KCNIP4: variants seen among roughly 807,000 people sequenced by gnomAD.
The protein encoded by KCNIP4 is potassium voltage-gated channel interacting protein 4.
Under a neutral mutation model 34.0 loss-of-function variants are expected in KCNIP4, and 12 were observed. The observed-to-expected ratio is 0.35, with a 90% CI of 0.23 to 0.57. The LOEUF (loss-of-function observed/expected upper bound fraction) is 0.57, where lower values mean the gene tolerates loss of function less well. KCNIP4 is among the 20% of genes least tolerant of loss of function. The pLI, the probability that KCNIP4 is intolerant of heterozygous loss-of-function variation, is 0.83. For synonymous variants in KCNIP4, 124 were observed against 102.2 expected (o/e 1.21, Z -1.29); for missense variants, 238 against 311.7 (o/e 0.76, Z 1.78).
In KCNIP4 at chr4:21,326,559, GTTTT is replaced by G. The variant is rs376393876; in HGVS notation, c.62-443854_62-443851del. On this transcript the variant is annotated intron_variant, in intron 1 of 8. Transcript: ENST00000382152. ...TGTAGACAACAGATCATTGGGTCTT[GTTTT>G]TTTGTTTATTTTATTTTTTTTAATT... Among the ~76,000 whole-genome samples the G allele has an allele frequency of 1.5e-4, 23 of 149,228 alleles. No homozygotes were observed. The South Asian group carries it at 4.9e-3, about 31-fold the overall frequency.
chr4:21,861,927 T>C (rs528847713), intron 1 of KCNIP4, among the ~76,000 whole-genome samples: 7 of 152,276 alleles, frequency 4.6e-5, no homozygotes, highest in Admixed American at 3.9e-4. Flanking sequence ...CTGGCCCCTA[T>C]GCTATGTCTT....
In KCNIP4 at chr4:20,910,106, C is replaced by G. The variant is rs191306458; in HGVS notation, c.62-27397G>C. ...TTTCTTAATACCACTGGGATCCAGA[C>G]CTGATGCGTATCTTTTTCGAATGTT... On this transcript the variant is annotated intron_variant, in intron 1 of 8. Transcript: ENST00000382152. Among the ~76,000 whole-genome samples, 214 of 152,228 alleles carry G rather than the reference C, an allele frequency of 1.4e-3. 1 individual carries two copies. Among genetic ancestry groups the G allele is most frequent in the Non-Finnish European group, 1.5e-3 (105 of 68,010 alleles).
intron 1 of KCNIP4, among the ~76,000 whole-genome samples, chr4:21,253,131 C>T (rs1048450012): frequency 3.3e-5 from 5 of 152,142 alleles, no homozygotes; most frequent in South Asian, 2.1e-4. Flanking sequence ...ATAGGTCTGA[C>T]GCTGAATGTG....
chr4:21,229,739 G>A (rs1758660946), intron 1 of KCNIP4, among the ~76,000 whole-genome samples: 1 of 152,086 alleles, frequency 6.6e-6, no homozygotes, highest in South Asian at 2.1e-4. Flanking sequence ...GTAAAAAGAT[G>A]AGCAAGCCCA....
chr4:20,979,938 T>C (rs1472287834), intron 1 of KCNIP4, among the ~76,000 whole-genome samples: 1 of 152,206 alleles, frequency 6.6e-6, no homozygotes, highest in South Asian at 2.1e-4. Context: ...TCCTAATCCA[T>C]GCAAGCCACC....
intron 1 of KCNIP4, among the ~76,000 whole-genome samples, chr4:21,748,177 T>A (rs1218471412): frequency 6.6e-6 from 1 of 152,094 alleles, no homozygotes; most frequent in East Asian, 1.9e-4. Flanking sequence ...ATGAAGACAA[T>A]GATGCCACAT....
chr4:21,386,802 T>C (rs1428745411), intron 1 of KCNIP4, among the ~76,000 whole-genome samples: 1 of 152,142 alleles, frequency 6.6e-6, no homozygotes, highest in East Asian at 1.9e-4. Flanking sequence ...AGCTTATCTT[T>C]TTGCAGGTAT....
At chr4:21,878,938 C>T (rs1280474685) in intron 1 of KCNIP4, among the ~76,000 whole-genome samples, 1 of 152,138 alleles carries the variant, frequency 6.6e-6, no homozygotes, top group Non-Finnish European at 1.5e-5. Flanking sequence ...CGTGGCAATA[C>T]TTTCACTTAC....
intron 1 of KCNIP4, among the ~76,000 whole-genome samples, chr4:21,044,131 G>A (rs1205163486): frequency 2.6e-5 from 4 of 152,078 alleles, no homozygotes; most frequent in Non-Finnish European, 4.4e-5. Flanking sequence ...GCAGCTCCTG[G>A]AAGGGGCAGT....
At chr4:21,677,840 C>G (rs1750027696) in intron 1 of KCNIP4, among the ~76,000 whole-genome samples, 1 of 152,158 alleles carries the variant, frequency 6.6e-6, no homozygotes, top group Non-Finnish European at 1.5e-5. Flanking sequence ...ACCTCCTCCT[C>G]CTGAGTTCAA....
intron 1 of KCNIP4, among the ~76,000 whole-genome samples, chr4:21,466,625 G>A (rs1448921352): frequency 2.0e-5 from 3 of 152,122 alleles, no homozygotes; most frequent in African/African-American, 4.8e-5. Context: ...AGAGAGAGAG[G>A]TCAAATCATG....
intron 1 of KCNIP4, among the ~76,000 whole-genome samples, chr4:21,833,882 A>C (rs1056345820): frequency 6.6e-6 from 1 of 152,044 alleles, no homozygotes; most frequent in Non-Finnish European, 1.5e-5. Context: ...TCTCAGGTTT[A>C]TCAAAGATCA....
chr4:21,664,544 A>G (rs1031145311), intron 1 of KCNIP4, among the ~76,000 whole-genome samples: 50 of 152,170 alleles, frequency 3.3e-4, no homozygotes, highest in African/African-American at 1.2e-3. Flanking sequence ...AGAGTTTGGA[A>G]TGTGGGCCTA....
At chr4:21,856,792 A>C (rs1724788740) in intron 1 of KCNIP4, among the ~76,000 whole-genome samples, 1 of 151,652 alleles carries the variant, frequency 6.6e-6, no homozygotes, top group Non-Finnish European at 1.5e-5. Context: ...GCCTTTCCCC[A>C]CTCCAAGCGC....
At chr4:21,643,056 G>A (rs1046467186) in intron 1 of KCNIP4, among the ~76,000 whole-genome samples, 16 of 152,100 alleles carry the variant, frequency 1.1e-4, no homozygotes, top group Admixed American at 9.8e-4. Context: ...ATATGTAAAT[G>A]GTAATGAAAT....
At chr4:21,085,270 C>T (rs1255456385) in intron 1 of KCNIP4, among the ~76,000 whole-genome samples, 5 of 152,080 alleles carry the variant, frequency 3.3e-5, no homozygotes, top group Admixed American at 6.6e-5. Context: ...ATGCAGCTAT[C>T]GGCAAACCAG....
intron 1 of KCNIP4, among the ~76,000 whole-genome samples, chr4:21,936,583 A>C (rs1335017423): frequency 6.6e-6 from 1 of 152,118 alleles, no homozygotes; most frequent in Non-Finnish European, 1.5e-5. Flanking sequence ...GAAGTGAGGA[A>C]GAAAAGCAAC....
intron 1 of KCNIP4, among the ~76,000 whole-genome samples, chr4:21,003,430 T>C (rs1427188231): frequency 1.3e-5 from 2 of 152,234 alleles, no homozygotes. Flanking sequence ...TGATTTCATA[T>C]AAAAGCCACT....
intron 4 of KCNIP4, among the ~76,000 whole-genome samples, chr4:20,751,479 A>G (rs55847423): frequency 0.18 from 27,029 of 152,042 alleles, 2,545 homozygotes; most frequent in Non-Finnish European, 0.22. Flanking sequence ...CTTGAACTAT[A>G]TAGTGCCCTC....
Sources: gnomAD v4.1 joint callset for allele counts (sites outside exome capture counted in the v4.1 genomes callset) on GRCh38, gnomAD v4.1.1 for gene constraint, MANE v1.5 for transcripts, NCBI Gene and HGNC (gene_info 2026-07-23, HGNC 2026-07-21) for gene names.